Variants in DEDD2 observed in about 807,000 individuals in gnomAD.
The protein encoded by DEDD2 is death effector domain containing 2, also known as DNA-binding death effector domain-containing protein 2.
A neutral mutation model predicts 28.9 loss-of-function variants in DEDD2; 18 were observed. The ratio of observed to expected loss-of-function variants is 0.62; its 90% CI spans 0.43 to 0.92. DEDD2 has a LOEUF of 0.92. Among genes scored for constraint, DEDD2 ranks in the 40% least tolerant of loss-of-function variants. DEDD2 has a pLI of 0.00. For missense variants in DEDD2, 411 were observed against 463.3 expected (o/e 0.89, Z 1.04); for synonymous variants, 211 against 206.1 (o/e 1.02, Z -0.20).
In DEDD2 at chr19:42,199,117, G is replaced by A. The variant is rs990134972; in HGVS notation, c.*321C>T. On this transcript the variant is annotated 3_prime_UTR_variant, in exon 5 of 5. Coordinates refer to ENST00000596251, the MANE Select transcript of DEDD2 (RefSeq NM_133328.4). This position sits in a 1 kb window ranked among gnomAD's most constrained non-coding sequence, Gnocchi z 7.4. ...TGACAGTGCAGACAGCCCAAGATCA[G>A]AGATACAATGTGCAGGGGGGCCTTT... The A allele has an allele frequency of 2.7e-6, 1 of 377,212 alleles. No individual in the cohort carries two copies. Among genetic ancestry groups the A allele is most frequent in the Non-Finnish European group, 4.9e-6 (1 of 205,072 alleles). 23.4% of individuals were successfully genotyped at this position (377,212 alleles called of 1,614,324 possible).
chr19:42,201,230 T>C (rs74416671), intron 4 of DEDD2, among the ~76,000 whole-genome samples: 3,911 of 152,328 alleles, frequency 0.026, 166 homozygotes, highest in African/African-American at 0.088. Flanking sequence ...TTTAACCTCC[T>C]ATGTCCCTGA....
At position 42,209,808 on chromosome 19, in the gene DEDD2, G is replaced by A. The variant is rs755983904; in HGVS notation, c.481C>T (p.Arg161Trp). The change falls in exon 4 of 5, where the codon CGG (arginine) becomes TGG (tryptophan). Residue 161 changes from arginine to tryptophan, a missense_variant. Physicochemically the swap from Arg to Trp is moderately radical, Grantham distance 101. This residue lies in a region of DEDD2 where 282 missense variants were observed against 273.4 expected (regional missense o/e 1.03). Coordinates refer to ENST00000596251, the MANE Select transcript of DEDD2 (RefSeq NM_133328.4). Reference protein sequence around the residue: ...SPPTKRQRRSRGRPSGGARRR... With the variant: ...SPPTKRQRRSWGRPSGGARRR... The stretch of plus-strand genomic sequence containing the variant: ...CTGGCACCACCACTGGGCCGGCCCC[G>A]ACTCCGCCGCTGCCGCTTGGTTGGG... 3.1e-5 allele frequency: 48 copies of A among 1,561,488 alleles called. No homozygotes were observed. The highest frequency in any genetic ancestry group is 1.7e-4 in the African/African-American group (12 of 71,774).
chr19:42,211,420 AGAGGGACGGAGG>A lies in DEDD2; in HGVS notation c.449-1592_449-1581del, dbSNP rs1313279944. On this transcript the variant is annotated intron_variant, in intron 3 of 4. Transcript: ENST00000596251. ...GAAGAAAAGGAAGGAAGGAAGGGAG[AGAGGGACGGAGG>A]GAGGGAGGGAGGGAGGGAAGGAGGA... 7.2e-5 allele frequency among the ~76,000 whole-genome samples: 7 copies of A among 97,308 alleles called. No individual in the cohort carries two copies. In the Admixed American group the frequency reaches 9.1e-4, roughly 13 times the overall value. 63.8% of individuals were successfully genotyped at this position (97,308 alleles called of 152,430 possible). A position where few individuals can be genotyped will look rare whatever the true frequency, so the allele number is the denominator to read the frequency against.
At chr19:42,219,013 A>G (rs947864934), upstream of DEDD2, among the ~76,000 whole-genome samples, 1 of 150,348 alleles carries the variant, frequency 6.7e-6, no homozygotes, top group African/African-American at 2.5e-5. Context: ...TGTCTCAAGA[A>G]ACAAACAAAC....
At chr19:42,208,981 T>C (rs2035641147) in intron 4 of DEDD2, among the ~76,000 whole-genome samples, 3 of 152,214 alleles carry the variant, frequency 2.0e-5, no homozygotes, top group Admixed American at 2.0e-4. Flanking sequence ...CTCACGCCTG[T>C]AATCCCAGAA....
At position 42,199,552 on chromosome 19, in the gene DEDD2, G is replaced by T; in HGVS notation, c.867C>A (p.Gly289=). The part of the protein sequence containing the change: ...FLTEALREAV[G]REAVRLLVSV... ...TGACCAGCAGGCGAACAGCCTCCCG[G>T]CCCACAGCCTCTCGCAGGGCCTCAG... is the stretch of plus-strand genomic sequence containing the variant. The change falls in exon 5 of 5, where the codon GGC becomes GGA. Residue 289 remains glycine, a synonymous_variant. Transcript: ENST00000596251. The surrounding 1 kb of genome is among the most constrained non-coding windows in gnomAD (Gnocchi z 7.4). The T allele has an allele frequency of 6.2e-7, 1 of 1,614,080 alleles. No individual in the cohort carries two copies. Among genetic ancestry groups the T allele is most frequent in the Non-Finnish European group, 8.5e-7 (1 of 1,179,980 alleles).
intron 1 of DEDD2, 24 bp from the exon 2 acceptor site, chr19:42,217,069 G>T: frequency 6.7e-7 from 1 of 1,498,564 alleles, no homozygotes; most frequent in Non-Finnish European, 9.1e-7. Flanking sequence ...AGCGGGGAGG[G>T]GGCAGTGGTC....
chr19:42,207,281 C>T (rs1209443465), intron 4 of DEDD2, among the ~76,000 whole-genome samples: 1 of 152,218 alleles, frequency 6.6e-6, no homozygotes, highest in East Asian at 1.9e-4. Context: ...GATGCCCACT[C>T]CCTGGAGGGC....
intron 1 of DEDD2, 40 bp from the exon 2 acceptor site, chr19:42,217,085 C>G: frequency 2.8e-6 from 4 of 1,423,034 alleles, no homozygotes; most frequent in Non-Finnish European, 1.9e-6. Flanking sequence ...TGGTCAGCGA[C>G]GCGGAGGCCC....
intron 4 of DEDD2, among the ~76,000 whole-genome samples, chr19:42,207,880 C>T (rs892175502): frequency 1.3e-5 from 2 of 151,994 alleles, no homozygotes; most frequent in Admixed American, 6.6e-5. Flanking sequence ...GCCCTGACCA[C>T]ATCCGGCTGG....
intron 2 of DEDD2, among the ~76,000 whole-genome samples, chr19:42,216,298 G>A (rs1466640178): frequency 6.6e-6 from 1 of 152,200 alleles, no homozygotes; most frequent in Non-Finnish European, 1.5e-5. Context: ...CAGCAAACAG[G>A]ATTGTTATTA....
intron 3 of DEDD2, among the ~76,000 whole-genome samples, chr19:42,210,330 T>G (rs1001124603): frequency 6.6e-6 from 1 of 152,076 alleles, no homozygotes; most frequent in Admixed American, 6.5e-5. Context: ...AAGCACAGAC[T>G]AGAAATGAAT....
chr19:42,200,517 C>T (rs138037170), intron 4 of DEDD2, among the ~76,000 whole-genome samples: 5 of 152,216 alleles, frequency 3.3e-5, no homozygotes, highest in Non-Finnish European at 7.3e-5. Context: ...GCCAGCACTG[C>T]GGATGCGCAG....
Position 42,199,870 on chromosome 19 carries a change from C to G in DEDD2, c.590-41G>C. 2 of 1,539,424 alleles carry G rather than the reference C, an allele frequency of 1.3e-6. No individual in the cohort carries two copies. Among genetic ancestry groups the G allele is most frequent in the Non-Finnish European group, 1.8e-6 (2 of 1,140,792 alleles). On this transcript the variant is annotated intron_variant, in intron 4 of 4. Transcript: ENST00000596251. The surrounding 1 kb of genome is among the most constrained non-coding windows in gnomAD (Gnocchi z 7.4). ...GGATTTGTCAGGGAGGGGGCCAACA[C>G]TAGACACACTTATGGGGAACGCCAC...
intron 4 of DEDD2, among the ~76,000 whole-genome samples, chr19:42,207,582 G>A (rs1175985649): frequency 6.6e-6 from 1 of 152,136 alleles, no homozygotes; most frequent in East Asian, 1.9e-4. Flanking sequence ...GTCACTAGCT[G>A]ATGCCGTCTG....
chr19:42,199,873 G>C lies in DEDD2; in HGVS notation c.590-44C>G. 6 of 1,537,156 alleles carry C rather than the reference G, an allele frequency of 3.9e-6. No individual in the cohort carries two copies. The South Asian group carries it at 6.1e-5, about 16-fold the overall frequency. On this transcript the variant is annotated intron_variant, in intron 4 of 4. Coordinates refer to ENST00000596251, the MANE Select transcript of DEDD2 (RefSeq NM_133328.4). This position sits in a 1 kb window ranked among gnomAD's most constrained non-coding sequence, Gnocchi z 7.4. ...TTTGTCAGGGAGGGGGCCAACACTA[G>C]ACACACTTATGGGGAACGCCACCCT... is the stretch of plus-strand genomic sequence containing the variant.
Position 42,198,965 on chromosome 19 carries a change from T to C in DEDD2, c.*473A>G. The stretch of plus-strand genomic sequence containing the variant: ...TGGCTGAAGCCCAGGTTGGTTGTGG[T>C]CAAATTAGAGGTCCTGAGAGAGAAG... On this transcript the variant is annotated 3_prime_UTR_variant, in exon 5 of 5. Transcript: ENST00000596251. 1 of 156,112 alleles carries C rather than the reference T, an allele frequency of 6.4e-6. No homozygotes were observed. The highest frequency in any genetic ancestry group is 1.9e-4 in the South Asian group (1 of 5,362). 9.7% of individuals were successfully genotyped at this position (156,112 alleles called of 1,614,324 possible).
intron 3 of DEDD2, among the ~76,000 whole-genome samples, chr19:42,210,835 G>A (rs531265273): frequency 2.6e-5 from 4 of 152,020 alleles, no homozygotes; most frequent in East Asian, 3.9e-4. Context: ...TTGGAAGGCC[G>A]AGGTGGGTGG....
Position 42,199,950 on chromosome 19 carries a change from C to A in DEDD2, c.590-121G>T. 1 of 1,394,094 alleles carries A rather than the reference C, an allele frequency of 7.2e-7. No homozygotes were observed. The highest frequency in any genetic ancestry group is 1.5e-5 in the South Asian group (1 of 66,850). The allele number at this position is 1,394,094 out of a possible 1,614,324, so 86.4% of individuals were successfully genotyped here. A position where few individuals can be genotyped will look rare whatever the true frequency, so the allele number is the denominator to read the frequency against. On this transcript the variant is annotated intron_variant, in intron 4 of 4. Transcript: ENST00000596251. This position sits in a 1 kb window ranked among gnomAD's most constrained non-coding sequence, Gnocchi z 7.4. ...CCCCTTCCGGTAGCCACACCCTAGT[C>A]CTGACACAGCCTCCCCGGCTCTGTG...
Sources: gnomAD v4.1 joint callset for allele counts (sites outside exome capture counted in the v4.1 genomes callset) on GRCh38, gnomAD v4.1.1 for gene constraint, gnomAD v4.1.1 regional missense constraint, Gnocchi (gnomAD v3.1) non-coding constraint, MANE v1.5 for transcripts, NCBI Gene and HGNC (gene_info 2026-07-23, HGNC 2026-07-21) for gene names.